Variants in EXOSC10 observed in about 807,000 individuals in gnomAD.
EXOSC10 encodes the protein exosome complex component 10.
EXOSC10 carries 94 observed loss-of-function variants against 126.6 expected under a neutral mutation model. That is an observed-to-expected ratio of 0.74 (90% CI 0.63 to 0.88). The LOEUF is 0.88. Among genes scored for constraint, EXOSC10 ranks in the 40% least tolerant of loss-of-function variants. The pLI is 0.00. For synonymous variants in EXOSC10, 395 were observed against 400.8 expected (o/e 0.99, Z 0.17); for missense variants, 1,041 against 1,100.5 (o/e 0.95, Z 0.77).
In EXOSC10 at chr1:11,080,483, C is replaced by T. The variant is rs367934243; in HGVS notation, c.1637+16G>A. The stretch of plus-strand genomic sequence containing the variant: ...ACTGAGAAAGTCAGAACATATTAAT[C>T]AGATTTGAAACTCACTTAGGCAGTT... On this transcript the variant is annotated intron_variant, in intron 13 of 24. Coordinates refer to ENST00000376936, the MANE Select transcript of EXOSC10 (RefSeq NM_001001998.3). 1.2e-5 allele frequency: 20 copies of T among 1,612,528 alleles called. No individual in the cohort carries two copies. The highest frequency in any genetic ancestry group is 1.6e-5 in the Non-Finnish European group (19 of 1,179,606).
At chr1:11,096,450 T>G (rs56228307) in intron 2 of EXOSC10, among the ~76,000 whole-genome samples, 17 of 147,772 alleles carry the variant, frequency 1.2e-4, no homozygotes, top group African/African-American at 4.0e-4. Context: ...GAGCCCAGCC[T>G]TTTTCTTTCT....
intron 13 of EXOSC10, 147 bp downstream of exon 13, chr1:11,080,352 A>G: frequency 6.2e-6 from 6 of 971,772 alleles, no homozygotes; most frequent in Admixed American, 2.2e-5. Context: ...CAGAAATTCT[A>G]TATTCCTTCA....
At chr1:11,077,513 C>T in intron 15 of EXOSC10, 70 bp from the exon 16 acceptor site, 2 of 1,600,644 alleles carry the variant, frequency 1.2e-6, no homozygotes, top group Admixed American at 3.3e-5. Flanking sequence ...TGCCAGCTGT[C>T]AGCACAGGCC....
At chr1:11,082,622 G>C (rs1035311439) in intron 10 of EXOSC10, 66 bp downstream of exon 10, 2 of 1,590,574 alleles carry the variant, frequency 1.3e-6, no homozygotes, top group Non-Finnish European at 1.7e-6. Context: ...GGTCTCTCTG[G>C]ACGACAGGTT....
intron 22 of EXOSC10, among the ~76,000 whole-genome samples, chr1:11,069,259 G>GAGAGA (rs1553164212): frequency 1.5e-5 from 2 of 132,482 alleles, no homozygotes; most frequent in African/African-American, 2.6e-5. Context: ...GAGAGAGAGA[G>GAGAGA]GGTTTATGGG....
rs1397940582 is a variant in EXOSC10, at chr1:11,076,952, G to C, written c.1880-4C>G. The C allele has an allele frequency of 6.2e-7, 1 of 1,609,970 alleles. No individual in the cohort carries two copies. The highest frequency in any genetic ancestry group is 1.7e-5 in the Admixed American group (1 of 59,992). On this transcript the variant is annotated splice_region_variant and splice_polypyrimidine_tract_variant and intron_variant, in intron 16 of 24. Transcript: ENST00000376936. ...TGCTTCTGAACTGGCACAGATCCTA[G>C]AGGAGCAGAAGATAGTAAGGTCAAA...
At chr1:11,081,335 A>G (rs1466208185) in intron 10 of EXOSC10, 97 bp from the exon 11 acceptor site, 6 of 1,336,850 alleles carry the variant, frequency 4.5e-6, no homozygotes, top group Non-Finnish European at 6.2e-6. Flanking sequence ...AGACCCTTCC[A>G]ATATGAAAGA....
chr1:11,087,796 A>T lies in EXOSC10; in HGVS notation c.945+4T>A, dbSNP rs1277086423. 1 of 1,606,830 alleles carries T rather than the reference A, an allele frequency of 6.2e-7. No individual in the cohort carries two copies. Among genetic ancestry groups the T allele is most frequent in the Non-Finnish European group, 8.5e-7 (1 of 1,176,054 alleles). On this transcript the variant is annotated splice_donor_region_variant and intron_variant, in intron 8 of 24. Transcript: ENST00000376936. ...AATTTTACCCAGGGTCATTTATAAG[A>T]TACCTCCAAGTCAACTGCAAATTCC...
intron 2 of EXOSC10, among the ~76,000 whole-genome samples, chr1:11,096,403 G>A (rs184697599): frequency 1.8e-3 from 268 of 151,084 alleles, no homozygotes; most frequent in Non-Finnish European, 3.2e-3. Flanking sequence ...CACCTGCCTC[G>A]GCCTCCCAAA....
rs1320207277 is a variant in EXOSC10, at chr1:11,089,630, AAAAAAAGAAAG to A, written c.758+913_758+923del. ...GAGCGAAACTCCGTCCCAAAAAAAAAAAAAAAGAAAGAAAGAAAGAAAGAAAGAAAACATGG... is the reference window on the plus strand; with the variant it reads ...GAGCGAAACTCCGTCCCAAAAAAAAAAAAGAAAGAAAGAAAGAAAACATGG... On this transcript the variant is annotated intron_variant, in intron 6 of 24. Coordinates refer to ENST00000376936, the MANE Select transcript of EXOSC10 (RefSeq NM_001001998.3). 3.1e-3 allele frequency among the ~76,000 whole-genome samples: 461 copies of A among 150,258 alleles called. 2 individuals are homozygous for A. Among genetic ancestry groups the A allele is most frequent in the African/African-American group, 0.011 (436 of 40,042 alleles).
chr1:11,095,215 A>AC (rs1641010788), intron 3 of EXOSC10, among the ~76,000 whole-genome samples: 1 of 151,054 alleles, frequency 6.6e-6, no homozygotes. Flanking sequence ...CCGTCTCAAA[A>AC]AAAAAAAAAA....
rs892449674 is a variant in EXOSC10 at position 11,088,114 on chromosome 1, G to A, written c.834+9C>T. ...ACACGGCACCTTTAAACTAAGGCTG[G>A]GTACTAACCTGGGGTTGTGGCTTTT... On this transcript the variant is annotated intron_variant, in intron 7 of 24. Coordinates refer to ENST00000376936, the MANE Select transcript of EXOSC10 (RefSeq NM_001001998.3). 1 of 1,608,582 alleles carries A rather than the reference G, an allele frequency of 6.2e-7. No individual in the cohort carries two copies. Among genetic ancestry groups the A allele is most frequent in the African/African-American group, 1.3e-5 (1 of 74,844 alleles).
intron 14 of EXOSC10, among the ~76,000 whole-genome samples, chr1:11,078,412 T>A (rs12027609): frequency 6.6e-6 from 1 of 151,350 alleles, no homozygotes; most frequent in Non-Finnish European, 1.5e-5. Context: ...CGCCCGCCAC[T>A]ACGCCTGGCT....
In EXOSC10 at chr1:11,077,468, TG is replaced by T. The variant is rs781564212; in HGVS notation, c.1801-26del. 2.5e-6 allele frequency: 4 copies of T among 1,610,476 alleles called. No individual in the cohort carries two copies. In the Admixed American group the frequency reaches 6.7e-5, roughly 27 times the overall value. On this transcript the variant is annotated intron_variant, in intron 15 of 24. Transcript: ENST00000376936. ...TCTGCATTAAAAGACACCAGCAGGC[TG>T]GCATGTAAAACGTGCAAGCCGGCAG... is the stretch of plus-strand genomic sequence containing the variant.
At chr1:11,077,275 G>A (rs1639870819) in intron 16 of EXOSC10, 90 bp downstream of exon 16, 2 of 1,357,264 alleles carry the variant, frequency 1.5e-6, no homozygotes, top group East Asian at 4.6e-5. Context: ...ACAGGCATAA[G>A]CCACCACGCC....
chr1:11,068,771 A>C, intron 22 of EXOSC10, 65 bp from the exon 23 acceptor site: 595 of 1,311,872 alleles, frequency 4.5e-4, no homozygotes, highest in Non-Finnish European at 6.0e-4. Context: ...TCACAGGCTC[A>C]CAGCGAGGCC....
chr1:11,099,751 T>C lies in EXOSC10; in HGVS notation c.81A>G (p.Pro27=). The C allele has an allele frequency of 1.2e-6, 2 of 1,611,708 alleles. No homozygotes were observed. Among genetic ancestry groups the C allele is most frequent in the Non-Finnish European group, 8.5e-7 (1 of 1,178,896 alleles). Reference sequence around the variant, plus strand: ...CAAAGCTGTCGGCGTCCGGGAAGCCTGGCAGCACCATCTCTCCGTCGGATT... The same window carrying C: ...CAAAGCTGTCGGCGTCCGGGAAGCCCGGCAGCACCATCTCTCCGTCGGATT... ...ATKSDGEMVL[P]GFPDADSFVK... The change falls in exon 1 of 25, where the codon CCA becomes CCG. Residue 27 remains proline (P), a synonymous_variant. Coordinates refer to ENST00000376936, the MANE Select transcript of EXOSC10 (RefSeq NM_001001998.3).
Position 11,069,757 on chromosome 1 carries a change from AG to A in EXOSC10, c.2317-28del, listed in dbSNP as rs763140382. ...TGTAGATCAGGAACAGATGTGGGGG[AG>A]GAACAGGGAGGCACATGGGAACAGG... On this transcript the variant is annotated intron_variant, in intron 21 of 24. Coordinates refer to ENST00000376936, the MANE Select transcript of EXOSC10 (RefSeq NM_001001998.3). 17 of 1,605,064 alleles carry A rather than the reference AG, an allele frequency of 1.1e-5. No homozygotes were observed. The Middle Eastern group carries it at 7.0e-4, about 66-fold the overall frequency.
At chr1:11,074,151 G>T in intron 18 of EXOSC10, 80 bp downstream of exon 18, 1 of 1,422,542 alleles carries the variant, frequency 7.0e-7, no homozygotes, top group Non-Finnish European at 9.9e-7. Flanking sequence ...TGGCTTCAGA[G>T]GCTTCCTTCC....
Sources: allele counts gnomAD v4.1 joint callset (sites outside exome capture counted in the v4.1 genomes callset), GRCh38; gene constraint gnomAD v4.1.1; transcripts MANE v1.5; gene names NCBI Gene and HGNC (gene_info 2026-07-23, HGNC 2026-07-21).